Variants in SH3KBP1 observed in about 807,000 individuals in gnomAD.
The protein encoded by SH3KBP1 is SH3 domain containing kinase binding protein 1.
In SH3KBP1, 8 loss-of-function variants were observed where a neutral mutation model predicts 50.1. The ratio of observed to expected loss-of-function variants is 0.16; its 90% CI spans 0.09 to 0.29. The LOEUF is 0.29. SH3KBP1 is among the 10% of genes least tolerant of loss of function. The pLI, the probability that SH3KBP1 is intolerant of heterozygous loss-of-function variation, is 1.00. For missense variants in SH3KBP1, 377 were observed against 535.2 expected, an observed-to-expected ratio of 0.70 and a Z score of 2.92; for synonymous variants, 227 against 218.6, an observed-to-expected ratio of 1.04 and a Z score of -0.34.
chrX:19,801,685 T>C (rs2066896083), intron 2 of SH3KBP1, among the ~76,000 whole-genome samples: 1 of 111,836 alleles, frequency 8.9e-6, no homozygotes, highest in Non-Finnish European at 1.9e-5. Context: ...ATTGTGAAGA[T>C]GGTCACACAA....
Position 19,851,622 on chromosome X carries a change from A to C in SH3KBP1, c.5-15340T>G, listed in dbSNP as rs36011305. The stretch of plus-strand genomic sequence containing the variant: ...CACGATCATGGCTCACTACAGCCTC[A>C]ACCTCCTGGCCTCAAGAGATCCTCC... On this transcript the variant is annotated intron_variant, in intron 1 of 17. Transcript: ENST00000397821. 9.8e-3 allele frequency among the ~76,000 whole-genome samples: 1,104 copies of C among 112,703 alleles called. 48 individuals are homozygous for C. Among genetic ancestry groups the C allele is most frequent in the Admixed American group, 0.09 (965 of 10,695 alleles).
chrX:19,563,196 G>A (rs2065737147), intron 13 of SH3KBP1, among the ~76,000 whole-genome samples: 1 of 112,237 alleles, frequency 8.9e-6, no homozygotes, highest in African/African-American at 3.2e-5. Context: ...TTCTGGTGAG[G>A]ATCAACATCT....
chrX:19,714,679 G>A (rs2063861753), intron 3 of SH3KBP1, among the ~76,000 whole-genome samples: 1 of 111,374 alleles, frequency 9.0e-6, no homozygotes, highest in Admixed American at 9.5e-5. Flanking sequence ...TATCACAAAA[G>A]ATATTTAAAA....
intron 14 of SH3KBP1, 45 bp downstream of exon 14, chrX:19,549,929 C>A: frequency 1.0e-6 from 1 of 965,207 alleles, no homozygotes; most frequent in Non-Finnish European, 1.5e-6. Flanking sequence ...CCTGCTTTTC[C>A]GCTGTAGAGA....
intron 2 of SH3KBP1, among the ~76,000 whole-genome samples, chrX:19,804,887 C>G (rs865953891): frequency 2.3e-4 from 18 of 78,721 alleles, no homozygotes; most frequent in East Asian, 5.5e-4. Context: ...ACCCTACCCC[C>G]CCCCCCCCAC....
intron 13 of SH3KBP1, among the ~76,000 whole-genome samples, chrX:19,564,254 T>A (rs886784100): frequency 8.9e-6 from 1 of 112,151 alleles, no homozygotes; most frequent in African/African-American, 3.2e-5. Context: ...AAGAATGTAA[T>A]CACTTGTTTG....
chrX:19,732,812 T>C (rs1216604187), intron 3 of SH3KBP1, among the ~76,000 whole-genome samples: 4 of 112,054 alleles, frequency 3.6e-5, no homozygotes, highest in African/African-American at 1.3e-4. Context: ...ACAAGGGCTA[T>C]TGTAAAGAAA....
intron 3 of SH3KBP1, among the ~76,000 whole-genome samples, chrX:19,736,079 G>A (rs1183335194): frequency 7.2e-5 from 8 of 111,295 alleles, no homozygotes; most frequent in Non-Finnish European, 1.3e-4. Flanking sequence ...GGTGCCATGT[G>A]CATGTGATCA....
chrX:19,838,512 C>T (rs979146928), intron 1 of SH3KBP1, among the ~76,000 whole-genome samples: 1 of 112,221 alleles, frequency 8.9e-6, no homozygotes, highest in African/African-American at 3.2e-5. Flanking sequence ...CTGAAATCAC[C>T]CTCACAAAGT....
intron 8 of SH3KBP1, among the ~76,000 whole-genome samples, chrX:19,630,594 G>GT (rs1304993457): frequency 5.4e-5 from 6 of 111,678 alleles, no homozygotes; most frequent in Non-Finnish European, 1.1e-4. Context: ...TACTTTACAG[G>GT]TAAAAAGATG....
intron 2 of SH3KBP1, among the ~76,000 whole-genome samples, chrX:19,804,264 T>C (rs906128934): frequency 9.0e-6 from 1 of 111,323 alleles, no homozygotes; most frequent in Admixed American, 9.5e-5. Context: ...TAATTGCAAC[T>C]CCTACCTCAT....
chrX:19,854,199 T>A (rs1246532909), intron 1 of SH3KBP1, among the ~76,000 whole-genome samples: 1 of 110,115 alleles, frequency 9.1e-6, no homozygotes, highest in Non-Finnish European at 1.9e-5. Flanking sequence ...CACTGCAACC[T>A]CTGCCTCCTG....
At chrX:19,878,184 T>G (rs2069309423) in intron 1 of SH3KBP1, among the ~76,000 whole-genome samples, 1 of 111,970 alleles carries the variant, frequency 8.9e-6, no homozygotes, top group African/African-American at 3.3e-5. Context: ...CACAGGTTGC[T>G]GGTGGACCTT....
chrX:19,753,561 G>A (rs2065129499), intron 2 of SH3KBP1, among the ~76,000 whole-genome samples: 1 of 110,642 alleles, frequency 9.0e-6, no homozygotes, highest in African/African-American at 3.3e-5. Flanking sequence ...TTCGTGCAGA[G>A]ACTGTGCCTT....
At chrX:19,733,711 G>T (rs1263058315) in intron 3 of SH3KBP1, among the ~76,000 whole-genome samples, 1 of 110,182 alleles carries the variant, frequency 9.1e-6, no homozygotes, top group East Asian at 2.8e-4. Context: ...TAAACAAAAT[G>T]AAAAGCAAAC....
intron 12 of SH3KBP1, among the ~76,000 whole-genome samples, chrX:19,585,043 T>TTGGCA (rs2066519277): frequency 8.9e-6 from 1 of 112,291 alleles, no homozygotes; most frequent in Non-Finnish European, 1.9e-5. Flanking sequence ...AGAAAACAAG[T>TTGGCA]GCATAAACCA....
At chrX:19,669,325 A>AATAATTATTATT (rs780980302) in intron 6 of SH3KBP1, among the ~76,000 whole-genome samples, 154 of 102,539 alleles carry the variant, frequency 1.5e-3, no homozygotes, top group African/African-American at 5.4e-3. Flanking sequence ...TAATAATAAT[A>AATAATTATTATT]ATTATTATTA....
At chrX:19,699,763 G>A (rs1437599717) in intron 4 of SH3KBP1, among the ~76,000 whole-genome samples, 2 of 111,882 alleles carry the variant, frequency 1.8e-5, no homozygotes, top group African/African-American at 6.5e-5. Context: ...AAACACCTGG[G>A]TGAACTTCAA....
intron 12 of SH3KBP1, among the ~76,000 whole-genome samples, chrX:19,581,487 TTTGATTAATGGA>T (rs2066371225): frequency 8.9e-6 from 1 of 111,929 alleles, no homozygotes; most frequent in Non-Finnish European, 1.9e-5. Context: ...CGTCCTCTTT[TTTGATTAATGGA>T]TTGATTAGTT....
Sources: allele counts gnomAD v4.1 joint callset (sites outside exome capture counted in the v4.1 genomes callset), GRCh38; gene constraint gnomAD v4.1.1; transcripts MANE v1.5; gene names NCBI Gene and HGNC (gene_info 2026-07-23, HGNC 2026-07-21).